The following PLXND1 variants were observed in gnomAD, a reference collection of about 807,000 sequenced individuals.
PLXND1 encodes plexin D1.
A neutral mutation model predicts 197.7 loss-of-function variants in PLXND1; 54 were observed. The ratio of observed to expected loss-of-function variants is 0.27; its 90% CI spans 0.22 to 0.34. PLXND1 has a LOEUF of 0.34. PLXND1 is among the 10% of genes least tolerant of loss of function. The probability of loss-of-function intolerance (pLI) is 1.00; values close to 1 mark genes in which losing one functional copy is unlikely to be tolerated. For missense variants in PLXND1, 2,127 were observed against 2,699.2 expected (o/e 0.79, Z 4.70); for synonymous variants, 1,180 against 1,161.2 (o/e 1.02, Z -0.33).
chr3:129,588,531 C>T (rs1353063969), intron 2 of PLXND1, among the ~76,000 whole-genome samples: 1 of 152,244 alleles, frequency 6.6e-6, no homozygotes, highest in African/African-American at 2.4e-5. Flanking sequence ...TTCCTCTCCC[C>T]AGCCACAGCG....
intron 1 of PLXND1, among the ~76,000 whole-genome samples, chr3:129,601,475 G>T (rs980517225): frequency 6.6e-6 from 1 of 152,154 alleles, no homozygotes; most frequent in African/African-American, 2.4e-5. Context: ...CCTCAAGCAG[G>T]AGCGAGAGGC....
rs578017026 is a variant in PLXND1 at position 129,572,442 on chromosome 3, C to T, written c.3077+167G>A. 2.6e-5 allele frequency among the ~76,000 whole-genome samples: 4 copies of T among 152,334 alleles called. No homozygotes were observed. The South Asian group carries it at 8.3e-4, about 32-fold the overall frequency. On this transcript the variant is annotated intron_variant, in intron 15 of 35. Coordinates refer to ENST00000324093, the MANE Select transcript of PLXND1 (RefSeq NM_015103.3). ...TTCCAATTACTGGTACTATTCTTAC[C>T]AGCTGAGGAAACTGAGGCTCAGAGA...
At chr3:129,601,688 T>C (rs2085710713) in intron 1 of PLXND1, among the ~76,000 whole-genome samples, 1 of 152,142 alleles carries the variant, frequency 6.6e-6, no homozygotes, top group African/African-American at 2.4e-5. Context: ...CCCCATCACA[T>C]GCCCCACCCC....
At chr3:129,604,875 G>C (rs947244083) in intron 1 of PLXND1, among the ~76,000 whole-genome samples, 12 of 152,194 alleles carry the variant, frequency 7.9e-5, no homozygotes, top group African/African-American at 2.9e-4. Flanking sequence ...GTGCCTCCTT[G>C]CACACCTGCC....
intron 1 of PLXND1, among the ~76,000 whole-genome samples, chr3:129,596,583 C>A (rs1053829156): frequency 1.3e-5 from 2 of 152,210 alleles, no homozygotes; most frequent in African/African-American, 4.8e-5. Context: ...CGAAGCCAGT[C>A]TTTCCAAGCC....
chr3:129,556,464 G>A (rs1000995335), intron 35 of PLXND1, 36 bp from the exon 36 acceptor site: 11 of 1,539,954 alleles, frequency 7.1e-6, no homozygotes, highest in South Asian at 2.2e-5. Flanking sequence ...GGCCATGGCC[G>A]GTAGCCCTGC....
chr3:129,601,123 C>T (rs535678229), intron 1 of PLXND1, among the ~76,000 whole-genome samples: 1 of 152,292 alleles, frequency 6.6e-6, no homozygotes, highest in Non-Finnish European at 1.5e-5. Flanking sequence ...CTGGCTTGCA[C>T]TCCAAACAGG....
intron 1 of PLXND1, among the ~76,000 whole-genome samples, chr3:129,599,260 CG>C (rs2085671970): frequency 6.6e-6 from 1 of 152,228 alleles, no homozygotes; most frequent in South Asian, 2.1e-4. Flanking sequence ...GCGTTTCTGC[CG>C]GGCCCGATGC....
chr3:129,582,230 C>T (rs1256853458), intron 8 of PLXND1, among the ~76,000 whole-genome samples: 2 of 152,266 alleles, frequency 1.3e-5, no homozygotes, highest in Non-Finnish European at 2.9e-5. Flanking sequence ...GGATTCCAGG[C>T]TGAGGCCATG....
chr3:129,558,659 T>A lies in PLXND1; in HGVS notation c.5298-84A>T, dbSNP rs371615387. The stretch of plus-strand genomic sequence containing the variant: ...ACAGTTGTGGAGGAGAGAGCTGGCT[T>A]TGTCCCTCAAGGGCCTGAGGTTGGA... On this transcript the variant is annotated intron_variant, in intron 32 of 35. Coordinates refer to ENST00000324093, the MANE Select transcript of PLXND1 (RefSeq NM_015103.3). The surrounding 1 kb of genome is among the most constrained non-coding windows in gnomAD (Gnocchi z 4.1). 1 of 1,388,300 alleles carries A rather than the reference T, an allele frequency of 7.2e-7. No homozygotes were observed. Among genetic ancestry groups the A allele is most frequent in the African/African-American group, 1.4e-5 (1 of 70,588 alleles). The allele number at this position is 1,388,300 out of a possible 1,614,324, so 86.0% of individuals were successfully genotyped here. A position where few individuals can be genotyped will look rare whatever the true frequency, so the allele number is the denominator to read the frequency against.
rs138138862 is a variant in PLXND1, at chr3:129,603,435, C to T, written c.1311+1894G>A. On this transcript the variant is annotated intron_variant, in intron 1 of 35. Transcript: ENST00000324093. ...ATCAGCTTACACCAAAGGGCCGAGA[C>T]ACAGGGCCTGAAACTACTGGAGGAA... Among the ~76,000 whole-genome samples, 178 of 152,322 alleles carry T rather than the reference C, an allele frequency of 1.2e-3. 1 individual carries two copies. Among genetic ancestry groups the T allele is most frequent in the Non-Finnish European group, 2.1e-3 (141 of 68,030 alleles).
rs2085023299 is a variant in PLXND1, at chr3:129,559,364, T to C, written c.5297+256A>G. On this transcript the variant is annotated intron_variant, in intron 32 of 35. Coordinates refer to ENST00000324093, the MANE Select transcript of PLXND1 (RefSeq NM_015103.3). ...ACCTGAGAGGGGTGCGGGAGAATGATAGTAAGGGCAACACCTAGACCATGC... is the reference window on the plus strand; with the variant it reads ...ACCTGAGAGGGGTGCGGGAGAATGACAGTAAGGGCAACACCTAGACCATGC... 5 of 397,030 alleles carry C rather than the reference T, an allele frequency of 1.3e-5. No homozygotes were observed. The South Asian group carries it at 1.9e-4, about 15-fold the overall frequency. 24.6% of individuals were successfully genotyped at this position (397,030 alleles called of 1,614,324 possible).
intron 2 of PLXND1, among the ~76,000 whole-genome samples, chr3:129,588,767 G>A (rs1329875954): frequency 6.6e-6 from 1 of 152,270 alleles, no homozygotes; most frequent in Non-Finnish European, 1.5e-5. Context: ...GCTCCGCCAT[G>A]TCTGTCCTGC....
intron 12 of PLXND1, 82 bp from the exon 13 acceptor site, chr3:129,573,827 G>A (rs2085272332): frequency 6.8e-7 from 1 of 1,472,260 alleles, no homozygotes; most frequent in African/African-American, 1.4e-5. Context: ...CAGGCACCCA[G>A]CAGGGCACAG....
intron 31 of PLXND1, 68 bp from the exon 32 acceptor site, chr3:129,559,851 T>C: frequency 7.4e-7 from 1 of 1,355,658 alleles, no homozygotes; most frequent in Non-Finnish European, 9.9e-7. Context: ...GCACCCTTGG[T>C]GGCTCTGCGG....
In PLXND1 at chr3:129,606,235, G is replaced by A; in HGVS notation, c.405C>T (p.Gly135=). ...NKILQLDPGQ[G]LVVVCGSIYQ... ...AGATGGACCCGCACACGACTACCAG[G>A]CCCTGGCCGGGGTCCAGCTGCAGGA... is the stretch of plus-strand genomic sequence containing the variant. Residue 135 remains glycine (G), a synonymous_variant, in exon 1 of 36, where the codon GGC becomes GGT. Coordinates refer to ENST00000324093, the MANE Select transcript of PLXND1 (RefSeq NM_015103.3). 7 of 1,575,442 alleles carry A rather than the reference G, an allele frequency of 4.4e-6. No homozygotes were observed. The highest frequency in any genetic ancestry group is 1.4e-5 in the African/African-American group (1 of 71,632).
At chr3:129,592,528 C>G (rs943147338) in intron 1 of PLXND1, among the ~76,000 whole-genome samples, 21 of 152,148 alleles carry the variant, frequency 1.4e-4, no homozygotes, top group Non-Finnish European at 2.6e-4. Flanking sequence ...AAAGGCGGAC[C>G]AGGCGCCCAG....
chr3:129,562,033 C>G lies in PLXND1; in HGVS notation c.4826-130G>C, dbSNP rs2085069685. 1.2e-5 allele frequency: 8 copies of G among 664,450 alleles called. No homozygotes were observed. The Admixed American group carries it at 1.2e-4, about 10-fold the overall frequency. 41.2% of individuals were successfully genotyped at this position (664,450 alleles called of 1,614,324 possible). ...AAACTGAGGCAAGCCATACCTCTCT[C>G]TGAGCCTCCATTTTCCCATCTGTAA... On this transcript the variant is annotated intron_variant, in intron 27 of 35. Transcript: ENST00000324093.
In PLXND1 at chr3:129,571,760, C is replaced by G. The variant is rs1159294837; in HGVS notation, c.3162G>C (p.Arg1054=). Residue 1054 remains arginine, a synonymous_variant, in exon 16 of 36, where the codon CGG becomes CGC. Transcript: ENST00000324093. ...AGGTGAGGTTGCCGTGCACGCAGCCCCGACGCTCGAAGCGCACACACACAG... is the reference window on the plus strand; with the variant it reads ...AGGTGAGGTTGCCGTGCACGCAGCCGCGACGCTCGAAGCGCACACACACAG... The part of the protein sequence containing the change: ...PVPVCVRFER[R]GCVHGNLTFW... The G allele has an allele frequency of 1.2e-6, 2 of 1,613,258 alleles. No individual in the cohort carries two copies. The highest frequency in any genetic ancestry group is 1.7e-6 in the Non-Finnish European group (2 of 1,179,934).
Sources: allele counts gnomAD v4.1 joint callset (sites outside exome capture counted in the v4.1 genomes callset), GRCh38; gene constraint gnomAD v4.1.1; non-coding constraint Gnocchi (gnomAD v3.1); transcripts MANE v1.5; gene names NCBI Gene and HGNC (gene_info 2026-07-23, HGNC 2026-07-21).